Variants in TBC1D9 observed in about 807,000 individuals in gnomAD.
TBC1D9 encodes the protein TBC1 domain family member 9A.
In TBC1D9, 63 loss-of-function variants were observed where a neutral mutation model predicts 132.0. The ratio of observed to expected loss-of-function variants is 0.48; its 90% CI spans 0.39 to 0.59. The LOEUF is 0.59. TBC1D9 is among the 20% of genes least tolerant of loss of function. TBC1D9 has a pLI of 0.00. For missense variants in TBC1D9, 1,261 were observed against 1,592.7 expected, an observed-to-expected ratio of 0.79 and a Z score of 3.54; for synonymous variants, 610 against 609.9, an observed-to-expected ratio of 1.00 and a Z score of 0.00.
chr4:140,697,389 A>T (rs938520030), intron 2 of TBC1D9, among the ~76,000 whole-genome samples: 3 of 152,266 alleles, frequency 2.0e-5, no homozygotes, highest in Non-Finnish European at 4.4e-5. Context: ...CTCAAAAAAA[A>T]ATACAAAATG....
intron 15 of TBC1D9, 136 bp from the exon 16 acceptor site, chr4:140,634,324 C>A (rs1736843981): frequency 8.1e-7 from 1 of 1,235,010 alleles, no homozygotes; most frequent in South Asian, 1.5e-5. Context: ...GCCTCAGGGC[C>A]CCCTTGGTCT....
intron 1 of TBC1D9, among the ~76,000 whole-genome samples, chr4:140,725,414 C>T (rs1283550364): frequency 6.6e-6 from 1 of 152,148 alleles, no homozygotes; most frequent in Non-Finnish European, 1.5e-5. Flanking sequence ...ATTCATTCCT[C>T]ATCTATGAGG....
At chr4:140,665,799 C>A (rs1317191323) in intron 9 of TBC1D9, among the ~76,000 whole-genome samples, 1 of 152,092 alleles carries the variant, frequency 6.6e-6, no homozygotes, top group Non-Finnish European at 1.5e-5. Context: ...ATCTCAGATT[C>A]TTGAGTAGCT....
chr4:140,638,886 G>A (rs1025222256), intron 15 of TBC1D9, among the ~76,000 whole-genome samples, 200 bp downstream of exon 15: 66 of 152,144 alleles, frequency 4.3e-4, no homozygotes, highest in Admixed American at 3.7e-3. Context: ...ATTATATGGA[G>A]TGCAAGGTAA....
At chr4:140,651,531 C>A (rs1372573388) in intron 13 of TBC1D9, among the ~76,000 whole-genome samples, 1 of 152,108 alleles carries the variant, frequency 6.6e-6, no homozygotes, top group East Asian at 1.9e-4. Context: ...CGGGTGAGAA[C>A]TAACTTATAG....
intron 15 of TBC1D9, among the ~76,000 whole-genome samples, chr4:140,637,769 T>C (rs542965049): frequency 6.6e-5 from 10 of 151,700 alleles, no homozygotes; most frequent in Non-Finnish European, 1.3e-4. Flanking sequence ...CTGGCAGGGG[T>C]GCCACTGTCC....
chr4:140,627,891 C>T (rs1736733620), intron 17 of TBC1D9, among the ~76,000 whole-genome samples: 1 of 152,216 alleles, frequency 6.6e-6, no homozygotes, highest in East Asian at 1.9e-4. Flanking sequence ...AATCTCATCT[C>T]ATTTTTAAAA....
intron 16 of TBC1D9, among the ~76,000 whole-genome samples, chr4:140,628,997 T>G (rs377215516): frequency 9.9e-5 from 15 of 152,268 alleles, no homozygotes; most frequent in African/African-American, 3.4e-4. Context: ...CCTTTGTAAA[T>G]ATATATTCTG....
Position 140,670,725 on chromosome 4 carries a change from C to A in TBC1D9, c.1261G>T (p.Asp421Tyr). Reference protein sequence around the residue: ...EFAGSYNSSDDEVYSRPSSLV... With the variant: ...EFAGSYNSSDYEVYSRPSSLV... ...TTCAGGTGTCTCCCACAGACCTCAT[C>A]ATCTGAACTGTTGTAACTTCCTGCA... The change falls in exon 7 of 21, where the codon GAT (aspartate) becomes TAT (tyrosine). Residue 421 changes from aspartate (D) to tyrosine (Y), a missense_variant. Physicochemically the swap from Asp to Tyr is radical, Grantham distance 160 (BLOSUM62 -3). This residue lies in a region of TBC1D9 where 550 missense variants were observed against 699.0 expected (regional missense o/e 0.79). Coordinates refer to ENST00000442267, the MANE Select transcript of TBC1D9 (RefSeq NM_015130.3). 1.2e-6 allele frequency: 2 copies of A among 1,613,468 alleles called. No homozygotes were observed. Among genetic ancestry groups the A allele is most frequent in the Middle Eastern group, 3.5e-4 (2 of 5,708 alleles).
chr4:140,661,059 C>T (rs1737351380), intron 10 of TBC1D9, among the ~76,000 whole-genome samples: 1 of 152,080 alleles, frequency 6.6e-6, no homozygotes, highest in Admixed American at 6.5e-5. Flanking sequence ...GGACTACAGG[C>T]ACCTGCCACC....
In TBC1D9 at chr4:140,622,330, A is replaced by G. The variant is rs769726743; in HGVS notation, c.3666T>C (p.Thr1222=). Residue 1222 remains threonine, a synonymous_variant, in exon 21 of 21, where the codon ACT becomes ACC. Transcript: ENST00000442267. ...TFEQFLASLL[T]EPALVKYFDK... Reference sequence around the variant, plus strand: ...CAAAGTACTTGACCAGGGCAGGCTCAGTTAAGAGGGAGGCCAGGAACTGCT... The same window carrying G: ...CAAAGTACTTGACCAGGGCAGGCTCGGTTAAGAGGGAGGCCAGGAACTGCT... 1.2e-6 allele frequency: 2 copies of G among 1,613,752 alleles called. No homozygotes were observed. The highest frequency in any genetic ancestry group is 2.2e-5 in the South Asian group (2 of 91,070).
chr4:140,742,674 G>A (rs1245304359), intron 1 of TBC1D9, among the ~76,000 whole-genome samples: 1 of 151,944 alleles, frequency 6.6e-6, no homozygotes, highest in Non-Finnish European at 1.5e-5. Context: ...AGTAGAGGAT[G>A]TTTTCAAATT....
chr4:140,664,148 G>A (rs1240367363), intron 9 of TBC1D9, among the ~76,000 whole-genome samples: 2 of 151,690 alleles, frequency 1.3e-5, no homozygotes, highest in African/African-American at 2.4e-5. Flanking sequence ...ATTTCACAAT[G>A]TATATGAAAT....
At chr4:140,742,173 G>A (rs1027290042) in intron 1 of TBC1D9, among the ~76,000 whole-genome samples, 2 of 152,042 alleles carry the variant, frequency 1.3e-5, no homozygotes, top group African/African-American at 4.8e-5. Context: ...CATCAACAAA[G>A]CTAACAGCAA....
chr4:140,658,837 T>C (rs1196622805), intron 11 of TBC1D9, among the ~76,000 whole-genome samples: 1 of 151,886 alleles, frequency 6.6e-6, no homozygotes, highest in East Asian at 1.9e-4. Context: ...CACTTCTGGA[T>C]GCATGGTGCC....
chr4:140,741,027 C>G (rs1291671720), intron 1 of TBC1D9, among the ~76,000 whole-genome samples: 3 of 152,178 alleles, frequency 2.0e-5, no homozygotes, highest in Non-Finnish European at 4.4e-5. Context: ...AAAACTAGTT[C>G]AGGCCATGGT....
intron 18 of TBC1D9, among the ~76,000 whole-genome samples, chr4:140,625,205 G>C (rs1736685844): frequency 6.6e-6 from 1 of 151,982 alleles, no homozygotes; most frequent in Non-Finnish European, 1.5e-5. Context: ...GCCAGACCCT[G>C]CAAAAGATCC....
At chr4:140,632,778 T>C (rs1736818532) in intron 16 of TBC1D9, among the ~76,000 whole-genome samples, 1 of 152,170 alleles carries the variant, frequency 6.6e-6, no homozygotes, top group South Asian at 2.1e-4. Flanking sequence ...CTTAGACAAA[T>C]TAAATGCATG....
chr4:140,669,674 A>T lies in TBC1D9; in HGVS notation c.1397T>A (p.Met466Lys). ...VPTATQTLMT[M>K]YRRRSPEEFN... is the part of the protein sequence containing the mutation. The stretch of plus-strand genomic sequence containing the variant: ...CTCCTCGGGAGACCGCCGCCGATAC[A>T]TGGTCATCAGGGTCTGTGTGGCTGT... The change falls in exon 8 of 21, where the codon ATG (methionine) becomes AAG (lysine). Residue 466 changes from methionine (M) to lysine (K), a missense_variant. Coordinates refer to ENST00000442267, the MANE Select transcript of TBC1D9 (RefSeq NM_015130.3). 6.2e-7 allele frequency: 1 copy of T among 1,613,622 alleles called. No individual in the cohort carries two copies. Among genetic ancestry groups the T allele is most frequent in the Non-Finnish European group, 8.5e-7 (1 of 1,179,608 alleles).
Sources: allele counts gnomAD v4.1 joint callset (sites outside exome capture counted in the v4.1 genomes callset), GRCh38; gene constraint gnomAD v4.1.1; regional missense constraint gnomAD v4.1.1; transcripts MANE v1.5; gene names NCBI Gene and HGNC (gene_info 2026-07-23, HGNC 2026-07-21).